ARHGAP24: variants seen among roughly 807,000 people sequenced by gnomAD.
The protein encoded by ARHGAP24 is Rho GTPase activating protein 24, also known as rho GTPase-activating protein 24.
A neutral mutation model predicts 76.4 loss-of-function variants in ARHGAP24; 50 were observed. The observed-to-expected ratio is 0.65, with a 90% CI of 0.52 to 0.83. The LOEUF (loss-of-function observed/expected upper bound fraction) is 0.83, where lower values mean the gene tolerates loss of function less well. Among genes scored for constraint, ARHGAP24 ranks in the 40% least tolerant of loss-of-function variants. The probability of loss-of-function intolerance (pLI) is 0.00; values close to 1 mark genes in which losing one functional copy is unlikely to be tolerated. For missense variants in ARHGAP24, 930 were observed against 914.2 expected, an observed-to-expected ratio of 1.02 and a Z score of -0.22; for synonymous variants, 345 against 323.3, an observed-to-expected ratio of 1.07 and a Z score of -0.72.
At chr4:85,958,600 T>C (rs1738059915) in intron 5 of ARHGAP24, among the ~76,000 whole-genome samples, 1 of 152,246 alleles carries the variant, frequency 6.6e-6, no homozygotes, top group Non-Finnish European at 1.5e-5. Context: ...TTCTGTGTTT[T>C]ATGACTCAGA....
chr4:85,851,348 A>C (rs1364293956), intron 3 of ARHGAP24, among the ~76,000 whole-genome samples: 2 of 152,160 alleles, frequency 1.3e-5, no homozygotes, highest in African/African-American at 2.4e-5. Context: ...GTGTGTCTGC[A>C]CATGAGATGG....
At chr4:85,700,540 A>C (rs186449307) in intron 2 of ARHGAP24, among the ~76,000 whole-genome samples, 9 of 152,246 alleles carry the variant, frequency 5.9e-5, no homozygotes, top group Non-Finnish European at 8.8e-5. Flanking sequence ...AATTGCCATC[A>C]ATGGAGATAG....
At chr4:85,963,711 A>C (rs932845180) in intron 5 of ARHGAP24, among the ~76,000 whole-genome samples, 11 of 152,116 alleles carry the variant, frequency 7.2e-5, no homozygotes. Context: ...AAACATATTA[A>C]TTCAAACTAA....
intron 3 of ARHGAP24, among the ~76,000 whole-genome samples, chr4:85,855,302 A>G (rs1484784609): frequency 3.3e-5 from 5 of 152,220 alleles, no homozygotes; most frequent in African/African-American, 1.2e-4. Flanking sequence ...AGCCTAAATT[A>G]GAAAAGTTGG....
intron 2 of ARHGAP24, among the ~76,000 whole-genome samples, chr4:85,669,708 A>C (rs576876481): frequency 1.4e-5 from 2 of 143,078 alleles, no homozygotes; most frequent in South Asian, 2.2e-4. Context: ...ATATATAGCT[A>C]TATTACAAAC....
chr4:85,948,570 G>T (rs1024787113), intron 5 of ARHGAP24, among the ~76,000 whole-genome samples: 1 of 152,128 alleles, frequency 6.6e-6, no homozygotes, highest in Non-Finnish European at 1.5e-5. Flanking sequence ...TCCAAATCAA[G>T]TTCTTGATAA....
At chr4:85,643,234 G>GTTTTTT (rs70948741) in intron 2 of ARHGAP24, among the ~76,000 whole-genome samples, 3 of 54,626 alleles carry the variant, frequency 5.5e-5, no homozygotes, top group African/African-American at 1.2e-4. Context: ...GTTTTTTTGT[G>GTTTTTT]TTTTTTTTTT....
At chr4:85,875,714 A>G (rs1010731607) in intron 3 of ARHGAP24, among the ~76,000 whole-genome samples, 23 of 136,784 alleles carry the variant, frequency 1.7e-4, no homozygotes, top group Non-Finnish European at 3.0e-4. Context: ...TATAATTTAT[A>G]TATAAAAATA....
At chr4:85,889,604 T>C (rs561448883) in intron 3 of ARHGAP24, among the ~76,000 whole-genome samples, 1 of 152,342 alleles carries the variant, frequency 6.6e-6, no homozygotes, top group East Asian at 1.9e-4. Flanking sequence ...TTCATACATC[T>C]TCTTTCCACG....
At chr4:85,930,445 G>T in intron 4 of ARHGAP24, 1 of 987,784 alleles carries the variant, frequency 1.0e-6, no homozygotes, top group Non-Finnish European at 1.2e-6. Flanking sequence ...AAAGGAGCCA[G>T]CAAGGACAGT....
At chr4:85,985,169 A>G (rs1022658260) in intron 8 of ARHGAP24, among the ~76,000 whole-genome samples, 1 of 152,200 alleles carries the variant, frequency 6.6e-6, no homozygotes. Flanking sequence ...TCTATTATAA[A>G]GACACATGCG....
chr4:85,686,526 A>G (rs940936010), intron 2 of ARHGAP24: 2 of 152,132 alleles, frequency 1.3e-5, no homozygotes, highest in African/African-American at 4.8e-5. Flanking sequence ...AAATCTTCCA[A>G]ATTAAATTCT....
chr4:85,494,483 G>C (rs1431282355), intron 1 of ARHGAP24, among the ~76,000 whole-genome samples: 1 of 151,692 alleles, frequency 6.6e-6, no homozygotes, highest in Non-Finnish European at 1.5e-5. Context: ...TCAAGAGATC[G>C]AGACCATCCT....
intron 8 of ARHGAP24, among the ~76,000 whole-genome samples, chr4:85,981,185 C>T (rs1425458458): frequency 1.3e-5 from 2 of 152,144 alleles, no homozygotes; most frequent in Non-Finnish European, 2.9e-5. Context: ...CTTGGAACTC[C>T]ATTTTTATTT....
chr4:85,542,247 A>G (rs1646946961), intron 1 of ARHGAP24, among the ~76,000 whole-genome samples: 1 of 152,192 alleles, frequency 6.6e-6, no homozygotes. Context: ...AAGTAAGAAT[A>G]TCCTTGGGAA....
intron 2 of ARHGAP24, among the ~76,000 whole-genome samples, chr4:85,682,695 T>C (rs1282409849): frequency 6.6e-6 from 1 of 152,228 alleles, no homozygotes; most frequent in Non-Finnish European, 1.5e-5. Context: ...TGCGGTTCTT[T>C]GCACTTTGCT....
chr4:85,517,053 A>G (rs1724536589), intron 1 of ARHGAP24, among the ~76,000 whole-genome samples: 1 of 152,072 alleles, frequency 6.6e-6, no homozygotes, highest in Non-Finnish European at 1.5e-5. Context: ...AGTTGAGCTG[A>G]CACTTTTATC....
rs200065783 is a variant in ARHGAP24 at position 86,000,526 on chromosome 4, A to G, written c.2051A>G (p.His684Arg). ...LTLETEMMSL[H>R]DELDQERKKF... ...TTGGAAACAGAAATGATGAGCCTCC[A>G]TGATGAACTGGATCAGGAGAGGAAA... Residue 684 changes from histidine (H) to arginine (R), a missense_variant, in exon 10 of 10, where the codon CAT (histidine) becomes CGT (arginine). His to Arg is a conservative substitution (Grantham distance 29). Transcript: ENST00000395184. The G allele has an allele frequency of 6.9e-6, 11 of 1,596,454 alleles. No individual in the cohort carries two copies. Among genetic ancestry groups the G allele is most frequent in the East Asian group, 6.8e-5 (3 of 44,112 alleles).
intron 1 of ARHGAP24, among the ~76,000 whole-genome samples, chr4:85,566,846 T>A (rs1214709794): frequency 6.6e-6 from 1 of 152,126 alleles, no homozygotes; most frequent in East Asian, 1.9e-4. Flanking sequence ...CACAGGGTGA[T>A]TAGTGAAGGT....
Sources: allele counts gnomAD v4.1 joint callset (sites outside exome capture counted in the v4.1 genomes callset), GRCh38; gene constraint gnomAD v4.1.1; transcripts MANE v1.5; gene names NCBI Gene and HGNC (gene_info 2026-07-23, HGNC 2026-07-21).